Variants in MOBP observed in about 807,000 individuals in gnomAD.
The protein encoded by MOBP is myelin associated oligodendrocyte basic protein, also known as myelin-associated oligodendrocyte basic protein.
MOBP carries 5 observed loss-of-function variants against 15.0 expected under a neutral mutation model. That is an observed-to-expected ratio of 0.33 (90% CI 0.17 to 0.70). The LOEUF (loss-of-function observed/expected upper bound fraction) is 0.70. MOBP is among the 30% of genes least tolerant of loss of function. MOBP has a pLI of 0.67. For missense variants in MOBP, 188 were observed against 257.8 expected (o/e 0.73, Z 1.85); for synonymous variants, 88 against 99.0 (o/e 0.89, Z 0.66).
At chr3:39,481,861 C>T (rs1319905120) in intron 2 of MOBP, among the ~76,000 whole-genome samples, 3 of 152,180 alleles carry the variant, frequency 2.0e-5, no homozygotes, top group Non-Finnish European at 4.4e-5. Flanking sequence ...TTGAGCATTC[C>T]GTCTTTTGAA....
intron 2 of MOBP, among the ~76,000 whole-genome samples, chr3:39,498,341 TG>T (rs1203011377): frequency 2.6e-5 from 4 of 152,106 alleles, no homozygotes; most frequent in Non-Finnish European, 4.4e-5. Flanking sequence ...TTGTTGTTGT[TG>T]TTTTTGTTTT....
rs980005258 is a variant in MOBP, at chr3:39,497,012, A to G, written c.-4-5054A>G. Among the ~76,000 whole-genome samples the G allele has an allele frequency of 5.9e-4, 90 of 152,118 alleles. 1 individual carries two copies. Among genetic ancestry groups the G allele is most frequent in the African/African-American group, 2.1e-3 (86 of 41,420 alleles). On this transcript the variant is annotated intron_variant, in intron 2 of 3. Coordinates refer to ENST00000684792, the MANE Select transcript of MOBP (RefSeq NM_001393704.1). ...GAGATGGGGTTTCACCATGTTGACC[A>G]GCCTGGTCTCGAACTCCTGACCTCA...
intron 2 of MOBP, among the ~76,000 whole-genome samples, chr3:39,498,454 G>A (rs1157072279): frequency 2.6e-5 from 4 of 152,064 alleles, no homozygotes; most frequent in African/African-American, 7.2e-5. Context: ...GGGTTCCAGC[G>A]ATTCTCTTGC....
chr3:39,469,334 T>A (rs371487872), intron 1 of MOBP, among the ~76,000 whole-genome samples: 1 of 141,884 alleles, frequency 7.0e-6, no homozygotes, highest in Admixed American at 6.9e-5. Flanking sequence ...TTAATTTTAA[T>A]TAAAATTTAT....
intron 1 of MOBP, among the ~76,000 whole-genome samples, chr3:39,476,950 T>A (rs1305463561): frequency 6.6e-6 from 1 of 152,008 alleles, no homozygotes; most frequent in Non-Finnish European, 1.5e-5. Flanking sequence ...TATTGTATGC[T>A]GGACATTGTG....
Position 39,502,904 on chromosome 3 carries a change from C to A in MOBP, c.*24C>A. On this transcript the variant is annotated 3_prime_UTR_variant, in exon 4 of 4. Coordinates refer to ENST00000684792, the MANE Select transcript of MOBP (RefSeq NM_001393704.1). This position sits in a 1 kb window ranked among gnomAD's most constrained non-coding sequence, Gnocchi z 6.3. ...AACACCATCTCTTCCCTTTTGTTCCCCAGCCCTAAGGTTAGTAGTTGCTTC... is the reference window on the plus strand; with the variant it reads ...AACACCATCTCTTCCCTTTTGTTCCACAGCCCTAAGGTTAGTAGTTGCTTC... The A allele has an allele frequency of 1.9e-6, 2 of 1,069,218 alleles. No individual in the cohort carries two copies. Among genetic ancestry groups the A allele is most frequent in the Non-Finnish European group, 2.6e-6 (2 of 756,322 alleles). The allele number at this position is 1,069,218 out of a possible 1,614,324, so 66.2% of individuals were successfully genotyped here. A position where few individuals can be genotyped will look rare whatever the true frequency, so the allele number is the denominator to read the frequency against.
intron 1 of MOBP, among the ~76,000 whole-genome samples, chr3:39,478,794 T>A (rs1192179822): frequency 6.6e-6 from 1 of 152,142 alleles, no homozygotes; most frequent in Non-Finnish European, 1.5e-5. Flanking sequence ...CAATACTTGC[T>A]TCTATATCAC....
chr3:39,510,494 G>A (rs1768261), intron 4 of MOBP, among the ~76,000 whole-genome samples: 46,826 of 151,790 alleles, frequency 0.31, 9,457 homozygotes, highest in African/African-American at 0.58. Flanking sequence ...TTTTTGTTTT[G>A]TAGTTTCTAG....
At chr3:39,506,059 A>T (rs1166057967), downstream of MOBP, among the ~76,000 whole-genome samples, 1 of 147,802 alleles carries the variant, frequency 6.8e-6, no homozygotes, top group Non-Finnish European at 1.5e-5. Context: ...CCAGTCCCCC[A>T]CCCCTCCCTG....
downstream of MOBP, chr3:39,526,778 T>TA (rs2043328446): frequency 6.8e-6 from 1 of 147,082 alleles, no homozygotes; most frequent in Non-Finnish European, 1.5e-5. Context: ...CCTTCCTTTT[T>TA]TTTTTTTTTT....
At chr3:39,512,374 T>C (rs1322749484) in intron 4 of MOBP, among the ~76,000 whole-genome samples, 1 of 152,184 alleles carries the variant, frequency 6.6e-6, no homozygotes, top group Admixed American at 6.5e-5. Flanking sequence ...GGCTGCCACA[T>C]GTCTGGAGGT....
intron 2 of MOBP, among the ~76,000 whole-genome samples, chr3:39,489,854 C>CTA (rs939424902): frequency 7.0e-4 from 107 of 152,294 alleles, no homozygotes; most frequent in African/African-American, 2.4e-3. Context: ...AATTAATGAC[C>CTA]TAGCTTCCTG....
At chr3:39,483,672 T>G (rs1012864259) in intron 2 of MOBP, among the ~76,000 whole-genome samples, 2 of 152,202 alleles carry the variant, frequency 1.3e-5, no homozygotes, top group Non-Finnish European at 2.9e-5. Context: ...AGAGAATTTG[T>G]TTTACCTACG....
chr3:39,492,063 C>T (rs2042803513), intron 2 of MOBP, among the ~76,000 whole-genome samples: 1 of 152,130 alleles, frequency 6.6e-6, no homozygotes, highest in African/African-American at 2.4e-5. Context: ...AAGCCAATGG[C>T]CCAGAATAAC....
chr3:39,475,933 A>G (rs1483415960), intron 1 of MOBP, among the ~76,000 whole-genome samples: 1 of 152,238 alleles, frequency 6.6e-6, no homozygotes, highest in African/African-American at 2.4e-5. Context: ...TTGTTGTATC[A>G]GTTCATTCTT....
chr3:39,479,668 A>G (rs2042598955), intron 1 of MOBP, among the ~76,000 whole-genome samples: 2 of 152,112 alleles, frequency 1.3e-5, no homozygotes, highest in African/African-American at 4.8e-5. Flanking sequence ...GAAGATTTAT[A>G]TTTTTAGAGC....
chr3:39,470,404 T>G (rs1209904926), intron 1 of MOBP, among the ~76,000 whole-genome samples: 1 of 152,168 alleles, frequency 6.6e-6, no homozygotes, highest in African/African-American at 2.4e-5. Flanking sequence ...ATCTGTGAGG[T>G]AGGAACTATC....
intron 3 of MOBP, among the ~76,000 whole-genome samples, chr3:39,521,534 G>A (rs1193334880): frequency 6.6e-6 from 1 of 152,062 alleles, no homozygotes; most frequent in Admixed American, 6.6e-5. Context: ...GAACCCTGCA[G>A]CACTAAACAC....
At chr3:39,513,079 A>C (rs1432962624) in intron 4 of MOBP, among the ~76,000 whole-genome samples, 2 of 152,180 alleles carry the variant, frequency 1.3e-5, no homozygotes, top group African/African-American at 4.8e-5. Context: ...GGTGTACTTT[A>C]ATTTCCTTTG....
Sources: allele counts gnomAD v4.1 joint callset (sites outside exome capture counted in the v4.1 genomes callset), GRCh38; gene constraint gnomAD v4.1.1; non-coding constraint Gnocchi (gnomAD v3.1); transcripts MANE v1.5; gene names NCBI Gene and HGNC (gene_info 2026-07-23, HGNC 2026-07-21).